PARG: variants seen among roughly 807,000 people sequenced by gnomAD.
PARG encodes the protein poly(ADP-ribose) glycohydrolase.
Under a neutral mutation model 113.0 loss-of-function variants are expected in PARG, and 35 were observed. The observed-to-expected ratio is 0.31, with a 90% CI of 0.24 to 0.41. PARG has a LOEUF of 0.41. Among genes scored for constraint, PARG ranks in the 10% least tolerant of loss-of-function variants. PARG has a pLI of 1.00. For missense variants in PARG, 797 were observed against 1,169.4 expected (o/e 0.68, Z 4.64); for synonymous variants, 330 against 409.9 (o/e 0.81, Z 2.36).
intron 7 of PARG, among the ~76,000 whole-genome samples, chr10:49,888,583 G>A (rs1257927406): frequency 3.3e-5 from 5 of 152,226 alleles, no homozygotes; most frequent in East Asian, 1.9e-4. Context: ...TGAGAGATCC[G>A]TTGTCATTCA....
chr10:49,915,935 C>A lies in PARG; in HGVS notation c.1719G>T (p.Leu573Phe). The A allele has an allele frequency of 6.6e-7, 1 of 1,522,672 alleles. No homozygotes were observed. The highest frequency in any genetic ancestry group is 8.9e-7 in the Non-Finnish European group (1 of 1,120,314). The allele number at this position is 1,522,672 out of a possible 1,614,324, so 94.3% of individuals were successfully genotyped here. ...CTTTTACCTTATCCCAGAAATCGAT[C>A]AAAGCTGTAAAGTCCCATTTCTTAG... ...AYSKKWDFTA[L>F]IDFWDKVLEE... is the part of the protein sequence containing the mutation. Residue 573 changes from leucine (L) to phenylalanine (F), a missense_variant, in exon 7 of 18, where the codon TTG becomes TTT. Leu to Phe is a conservative substitution (Grantham distance 22). This residue lies in a region of PARG where 252 missense variants were observed against 437.4 expected (regional missense o/e 0.58). Coordinates refer to ENST00000616448, the MANE Select transcript of PARG (RefSeq NM_003631.5).
intron 7 of PARG, among the ~76,000 whole-genome samples, chr10:49,903,665 A>T (rs1848444654): frequency 6.6e-6 from 1 of 151,892 alleles, no homozygotes; most frequent in Non-Finnish European, 1.5e-5. Flanking sequence ...GAGGACAAAA[A>T]AGGATACTCA....
intron 6 of PARG, among the ~76,000 whole-genome samples, chr10:49,920,382 G>A (rs1554848811): frequency 6.8e-6 from 1 of 147,914 alleles, no homozygotes; most frequent in African/African-American, 2.5e-5. Flanking sequence ...GGGAAGCAGA[G>A]GTTGCAGTGA....
At chr10:49,849,632 T>C (rs549068334) in intron 13 of PARG, among the ~76,000 whole-genome samples, 1 of 152,354 alleles carries the variant, frequency 6.6e-6, no homozygotes, top group South Asian at 2.1e-4. Flanking sequence ...AAATAGTTTA[T>C]TTTATGTCAA....
Position 49,843,600 on chromosome 10 carries a change from C to CAT in PARG, c.2384_2385dup (p.Ala796MetfsTer47), listed in dbSNP as rs1845352656. 3 of 1,551,072 alleles carry CAT rather than the reference C, an allele frequency of 1.9e-6. No individual in the cohort carries two copies. Among genetic ancestry groups the CAT allele is most frequent in the Non-Finnish European group, 2.6e-6 (3 of 1,146,542 alleles). ...CTCCGGGACCAACGATATGTCTCAG[C>CAT]ATAGCCTGTGTATTCACTGTACTGC... On this transcript the variant is annotated frameshift_variant, in exon 14 of 18. Coordinates refer to ENST00000616448, the MANE Select transcript of PARG (RefSeq NM_003631.5). LOFTEE classifies it high-confidence loss of function.
At chr10:49,878,965 A>T (rs1554838913) in intron 9 of PARG, among the ~76,000 whole-genome samples, 3 of 152,204 alleles carry the variant, frequency 2.0e-5, no homozygotes, top group African/African-American at 7.2e-5. Context: ...AGGAGGGAAG[A>T]AAAAACATTA....
At chr10:49,842,488 T>A (rs561156784) in intron 14 of PARG, among the ~76,000 whole-genome samples, 1 of 152,346 alleles carries the variant, frequency 6.6e-6, no homozygotes, top group East Asian at 1.9e-4. Context: ...AACATCACTA[T>A]ATACTGTCCA....
intron 7 of PARG, among the ~76,000 whole-genome samples, chr10:49,902,019 T>C (rs1198137043): frequency 6.6e-6 from 1 of 152,220 alleles, no homozygotes; most frequent in Non-Finnish European, 1.5e-5. Context: ...ATTTTAAATT[T>C]TATTTCATTG....
intron 7 of PARG, among the ~76,000 whole-genome samples, chr10:49,892,942 G>T (rs2377696): frequency 4.0e-3 from 612 of 152,014 alleles, no homozygotes; most frequent in East Asian, 0.017. Flanking sequence ...ATTATTTTAT[G>T]GTATGAATAC....
At chr10:49,915,063 T>G (rs1837393154) in intron 7 of PARG, among the ~76,000 whole-genome samples, 1 of 151,716 alleles carries the variant, frequency 6.6e-6, no homozygotes, top group African/African-American at 2.4e-5. Context: ...AGAAGAAACA[T>G]AAATCTTCAT....
intron 7 of PARG, among the ~76,000 whole-genome samples, chr10:49,901,959 G>A (rs559658124): frequency 4.6e-5 from 7 of 152,192 alleles, no homozygotes; most frequent in South Asian, 2.1e-4. Context: ...GATGGCAGCC[G>A]GCAGCCACAT....
chr10:49,882,145 C>G (rs1480779847), intron 8 of PARG, among the ~76,000 whole-genome samples: 1 of 148,728 alleles, frequency 6.7e-6, no homozygotes, highest in Non-Finnish European at 1.5e-5. Context: ...ATGATTTCTC[C>G]TCTCTTGGTG....
intron 4 of PARG, among the ~76,000 whole-genome samples, chr10:49,925,975 C>A (rs1838138344): frequency 6.6e-6 from 1 of 152,236 alleles, no homozygotes. Context: ...GCCCCTGTAC[C>A]CTTTCCCCAT....
In PARG at chr10:49,933,225, G is replaced by A; in HGVS notation, c.1223C>T (p.Ser408Phe). The stretch of plus-strand genomic sequence containing the variant: ...TCTCATGAAATGATCTGTGATTTTA[G>A]AATCCTTTTTTCCATGTTGCTTAGA... ...RNSKQHGKKD[S>F]KITDHFMRLP... Residue 408 changes from serine to phenylalanine, a missense_variant, in exon 3 of 18, where the codon TCT becomes TTT. By Grantham distance (155) the Ser-to-Phe change is radical. This residue lies in a region of PARG where 252 missense variants were observed against 437.4 expected (regional missense o/e 0.58). Coordinates refer to ENST00000616448, the MANE Select transcript of PARG (RefSeq NM_003631.5). The A allele has an allele frequency of 1.3e-6, 2 of 1,590,366 alleles. No homozygotes were observed. The highest frequency in any genetic ancestry group is 1.7e-6 in the Non-Finnish European group (2 of 1,165,458).
At chr10:49,836,645 A>G (rs535916004) in intron 15 of PARG, among the ~76,000 whole-genome samples, 3 of 152,262 alleles carry the variant, frequency 2.0e-5, no homozygotes, top group Non-Finnish European at 4.4e-5. Flanking sequence ...AACATTCTCG[A>G]AAAGTAAAGT....
Position 49,933,599 on chromosome 10 carries a change from T to G in PARG, c.849A>C (p.Arg283Ser), listed in dbSNP as rs1838596107. The G allele has an allele frequency of 6.2e-7, 1 of 1,609,858 alleles. No homozygotes were observed. Among genetic ancestry groups the G allele is most frequent in the African/African-American group, 1.3e-5 (1 of 74,844 alleles). ...GAGAATTTCCTAGGCAACTTTCTTG[T>G]CTAGTCAATTTGTTGTCATTTTTTG... is the stretch of plus-strand genomic sequence containing the variant. The part of the protein sequence containing the change: ...TGPKNDNKLT[R>S]QESCLGNSPP... Residue 283 changes from arginine (R) to serine (S), a missense_variant, in exon 3 of 18, where the codon AGA (arginine) becomes AGC (serine). Physicochemically the swap from Arg to Ser is moderately radical, Grantham distance 110. This residue lies in a region of PARG where 284 missense variants were observed against 306.1 expected (regional missense o/e 0.93). Transcript: ENST00000616448.
At chr10:49,908,730 T>C (rs1836997754) in intron 7 of PARG, among the ~76,000 whole-genome samples, 2 of 152,082 alleles carry the variant, frequency 1.3e-5, no homozygotes, top group African/African-American at 4.8e-5. Flanking sequence ...TAATAATGTG[T>C]TTATATACAT....
intron 8 of PARG, among the ~76,000 whole-genome samples, chr10:49,884,033 C>T (rs1184780997): frequency 6.6e-6 from 1 of 152,052 alleles, no homozygotes; most frequent in Non-Finnish European, 1.5e-5. Flanking sequence ...CATGTCAGGG[C>T]GTTCTGCCAA....
Position 49,879,000 on chromosome 10 carries a change from T to C in PARG, c.1988+673A>G, listed in dbSNP as rs150046068. ...AGTTTGCCAAGAAGATTCTTTAAAATATTTTTGTTTGTGTAGAAGATAGAG... is the reference window on the plus strand; with the variant it reads ...AGTTTGCCAAGAAGATTCTTTAAAACATTTTTGTTTGTGTAGAAGATAGAG... On this transcript the variant is annotated intron_variant, in intron 9 of 17. Coordinates refer to ENST00000616448, the MANE Select transcript of PARG (RefSeq NM_003631.5). 3.0e-3 allele frequency among the ~76,000 whole-genome samples: 451 copies of C among 152,306 alleles called. 1 individual carries two copies. Among genetic ancestry groups the C allele is most frequent in the African/African-American group, 0.01 (432 of 41,574 alleles).
Sources: gnomAD v4.1 joint callset for allele counts (sites outside exome capture counted in the v4.1 genomes callset) on GRCh38, gnomAD v4.1.1 for gene constraint, gnomAD v4.1.1 regional missense constraint, MANE v1.5 for transcripts, NCBI Gene and HGNC (gene_info 2026-07-23, HGNC 2026-07-21) for gene names.